SHROOM3: variants seen among roughly 807,000 people sequenced by gnomAD.
The protein encoded by SHROOM3 is shroom family member 3, also known as protein Shroom3.
In SHROOM3, 47 loss-of-function variants were observed where a neutral mutation model predicts 138.6. That is an observed-to-expected ratio of 0.34 (90% CI 0.27 to 0.43). The LOEUF is 0.43. SHROOM3 is among the 20% of genes least tolerant of loss of function. The pLI, the probability that SHROOM3 is intolerant of heterozygous loss-of-function variation, is 1.00. For synonymous variants in SHROOM3, 1,062 were observed against 1,063.3 expected (o/e 1.00, Z 0.02); for missense variants, 2,491 against 2,596.5 (o/e 0.96, Z 0.88).
At chr4:76,592,907 C>A (rs900950513) in intron 2 of SHROOM3, among the ~76,000 whole-genome samples, 2 of 152,140 alleles carry the variant, frequency 1.3e-5, no homozygotes, top group South Asian at 4.1e-4. Context: ...AGTCCAGAAG[C>A]AAGATTACCT....
At chr4:76,725,137 T>C (rs930854437) in intron 3 of SHROOM3, among the ~76,000 whole-genome samples, 15 of 151,972 alleles carry the variant, frequency 9.9e-5, no homozygotes, top group African/African-American at 3.6e-4. Context: ...TTGATTTGCT[T>C]CCCCCTCCCC....
rs559674841 is a variant in SHROOM3 at position 76,499,698 on chromosome 4, G to A, written c.169-55911G>A. Among the ~76,000 whole-genome samples, 10 of 152,300 alleles carry A rather than the reference G, an allele frequency of 6.6e-5. 1 individual carries two copies. The South Asian group carries it at 2.1e-3, about 32-fold the overall frequency. ...GGGAGGAGGGGACATGGGTCTCTGG[G>A]TGCACAGAAGAGGTTCTTCCTGGAC... On this transcript the variant is annotated intron_variant, in intron 1 of 10. Coordinates refer to ENST00000296043, the MANE Select transcript of SHROOM3 (RefSeq NM_020859.4).
intron 1 of SHROOM3, chr4:76,509,191 T>C (rs749091301): frequency 6.6e-6 from 1 of 152,158 alleles, no homozygotes; most frequent in Non-Finnish European, 1.5e-5. Flanking sequence ...TTTGAAGCTA[T>C]TATAAATGGA....
intron 1 of SHROOM3, among the ~76,000 whole-genome samples, chr4:76,513,747 A>G (rs1318656782): frequency 2.0e-5 from 3 of 152,224 alleles, no homozygotes; most frequent in Non-Finnish European, 4.4e-5. Context: ...ACACCTACAG[A>G]GATAATATCT....
intron 2 of SHROOM3, among the ~76,000 whole-genome samples, chr4:76,577,327 G>A (rs17321622): frequency 0.39 from 59,099 of 152,026 alleles, 11,724 homozygotes; most frequent in Middle Eastern, 0.45. Context: ...GAGGTGCTGG[G>A]GAAGGTCTGA....
chr4:76,572,595 A>T (rs537585015), intron 2 of SHROOM3, among the ~76,000 whole-genome samples: 1 of 152,286 alleles, frequency 6.6e-6, no homozygotes, highest in South Asian at 2.1e-4. Flanking sequence ...TAATTTTGGG[A>T]GTTGTTTTCT....
chr4:76,675,318 T>G (rs190409350), intron 2 of SHROOM3, among the ~76,000 whole-genome samples: 1 of 152,326 alleles, frequency 6.6e-6, no homozygotes, highest in Admixed American at 6.5e-5. Flanking sequence ...ACTACCATAC[T>G]GACAGAAGCA....
At chr4:76,613,993 T>C (rs1734818589) in intron 2 of SHROOM3, among the ~76,000 whole-genome samples, 1 of 152,154 alleles carries the variant, frequency 6.6e-6, no homozygotes, top group African/African-American at 2.4e-5. Flanking sequence ...AATGAAATGT[T>C]CCAGGCGGAA....
At chr4:76,453,444 A>AT (rs996747869) in intron 1 of SHROOM3, among the ~76,000 whole-genome samples, 11 of 150,498 alleles carry the variant, frequency 7.3e-5, no homozygotes, top group East Asian at 4.0e-4. Flanking sequence ...ACACCTGGCT[A>AT]TTTTTTTTCA....
intron 1 of SHROOM3, among the ~76,000 whole-genome samples, chr4:76,445,076 A>G (rs181068222): frequency 1.4e-5 from 2 of 147,020 alleles, no homozygotes; most frequent in Non-Finnish European, 3.0e-5. Context: ...TAGCCAGGTG[A>G]CAGAGCCAGA....
chr4:76,511,182 C>CAA (rs71659327), intron 1 of SHROOM3, among the ~76,000 whole-genome samples: 7,128 of 148,078 alleles, frequency 0.048, 187 homozygotes, highest in East Asian at 0.081. Context: ...AACTCCATCT[C>CAA]AAAAATAATA....
intron 1 of SHROOM3, among the ~76,000 whole-genome samples, chr4:76,471,981 T>A (rs1222687224): frequency 1.3e-5 from 2 of 152,140 alleles, no homozygotes; most frequent in African/African-American, 4.8e-5. Flanking sequence ...TTACTTACCC[T>A]CAGTAAGTCT....
At chr4:76,567,333 G>A (rs533425491) in intron 2 of SHROOM3, among the ~76,000 whole-genome samples, 11 of 152,192 alleles carry the variant, frequency 7.2e-5, no homozygotes, top group East Asian at 5.8e-4. Flanking sequence ...TCAGGAGTTC[G>A]AGACCAGCCT....
chr4:76,729,337 C>T (rs1720805788), intron 3 of SHROOM3, among the ~76,000 whole-genome samples: 1 of 152,052 alleles, frequency 6.6e-6, no homozygotes, highest in Admixed American at 6.5e-5. Context: ...TCTCACTTTT[C>T]CTGACCTATT....
intron 3 of SHROOM3, among the ~76,000 whole-genome samples, chr4:76,720,051 G>A (rs987235601): frequency 2.6e-5 from 4 of 151,116 alleles, no homozygotes; most frequent in Admixed American, 2.6e-4. Context: ...GCTATGAGAT[G>A]GTATTACCTA....
chr4:76,768,160 C>T (rs1219833857), intron 9 of SHROOM3, among the ~76,000 whole-genome samples: 1 of 152,192 alleles, frequency 6.6e-6, no homozygotes, highest in South Asian at 2.1e-4. Flanking sequence ...CATTATCTGT[C>T]TGAAAAACAG....
At chr4:76,517,261 A>G (rs1041004581) in intron 1 of SHROOM3, among the ~76,000 whole-genome samples, 4 of 152,182 alleles carry the variant, frequency 2.6e-5, no homozygotes, top group Non-Finnish European at 5.9e-5. Flanking sequence ...TCATCCAGGA[A>G]CTAACAAGTC....
At chr4:76,483,531 A>G (rs1456535235) in intron 1 of SHROOM3, among the ~76,000 whole-genome samples, 5 of 152,198 alleles carry the variant, frequency 3.3e-5, no homozygotes, top group Non-Finnish European at 5.9e-5. Flanking sequence ...AAATAGGAAC[A>G]TTTTTACACT....
At chr4:76,586,581 GT>G in intron 2 of SHROOM3, 1 of 670,388 alleles carries the variant, frequency 1.5e-6, no homozygotes, top group Non-Finnish European at 1.8e-6. Context: ...AGTTGTTCAA[GT>G]TAGGCCTTTG....
Sources: gnomAD v4.1 joint callset for allele counts (sites outside exome capture counted in the v4.1 genomes callset) on GRCh38, gnomAD v4.1.1 for gene constraint, MANE v1.5 for transcripts, NCBI Gene and HGNC (gene_info 2026-07-23, HGNC 2026-07-21) for gene names.